Variants in SLC9A8 observed in about 807,000 individuals in gnomAD.
SLC9A8 encodes the protein sodium/hydrogen exchanger 8.
A neutral mutation model predicts 66.6 loss-of-function variants in SLC9A8; 48 were observed. That is an observed-to-expected ratio of 0.72 (90% CI 0.57 to 0.92). SLC9A8 has a LOEUF of 0.92. SLC9A8 is among the 40% of genes least tolerant of loss of function. The probability of loss-of-function intolerance (pLI) is 0.00; values close to 1 mark genes in which losing one functional copy is unlikely to be tolerated. For synonymous variants in SLC9A8, 274 were observed against 282.6 expected (o/e 0.97, Z 0.31); for missense variants, 599 against 747.3 (o/e 0.80, Z 2.31).
chr20:49,855,065 G>A (rs970441974), intron 7 of SLC9A8, among the ~76,000 whole-genome samples: 2 of 152,202 alleles, frequency 1.3e-5, no homozygotes, highest in South Asian at 2.1e-4. Context: ...GGCTGGTGGC[G>A]AGGGGCAGAG....
At chr20:49,862,872 C>T in intron 8 of SLC9A8, 57 bp from the exon 9 acceptor site, 2 of 1,366,554 alleles carry the variant, frequency 1.5e-6, no homozygotes. Flanking sequence ...AAGTTAATTT[C>T]TAAGAACTTT....
intron 10 of SLC9A8, among the ~76,000 whole-genome samples, chr20:49,873,793 AAAG>A (rs1291652223): frequency 1.3e-5 from 2 of 151,264 alleles, no homozygotes; most frequent in African/African-American, 2.4e-5. Flanking sequence ...AAAAAAAAAA[AAAG>A]AATCCACACA....
At chr20:49,832,438 G>A (rs899138099) in intron 3 of SLC9A8, among the ~76,000 whole-genome samples, 6 of 152,164 alleles carry the variant, frequency 3.9e-5, no homozygotes, top group Non-Finnish European at 8.8e-5. Context: ...ACCAGAGGGC[G>A]CTTGGGATGT....
rs755976607 is a variant in SLC9A8 at position 49,850,835 on chromosome 20, TGACA to T, written c.566_569del (p.Asp189ValfsTer7). 1.2e-6 allele frequency: 2 copies of T among 1,610,436 alleles called. No individual in the cohort carries two copies. The highest frequency in any genetic ancestry group is 2.2e-5 in the South Asian group (2 of 89,760). ...GCTGATGTAATCTCTAAACTCAACATGACAGACAGGTAAATCCTTCATACTGTAA... is the reference window on the plus strand; with the variant it reads ...GCTGATGTAATCTCTAAACTCAACATGACAGGTAAATCCTTCATACTGTAA... On this transcript the variant is annotated frameshift_variant, in exon 7 of 16. Transcript: ENST00000361573. LOFTEE classifies it high-confidence loss of function.
At chr20:49,867,330 C>T (rs2089015897) in intron 10 of SLC9A8, among the ~76,000 whole-genome samples, 1 of 152,066 alleles carries the variant, frequency 6.6e-6, no homozygotes, top group South Asian at 2.1e-4. Context: ...TCAGTTTAAT[C>T]CTTCTTGAGG....
chr20:49,812,958 C>T lies in SLC9A8; in HGVS notation c.26+10C>T. On this transcript the variant is annotated intron_variant, in intron 1 of 15. Transcript: ENST00000361573. ...AGATGGCGGAAGAGGAGTGAGTGGG[C>T]TTTTTCCCGGGCGGCGGAGGCGGCG... The T allele has an allele frequency of 1.4e-6, 2 of 1,418,438 alleles. No individual in the cohort carries two copies. Among genetic ancestry groups the T allele is most frequent in the Non-Finnish European group, 1.8e-6 (2 of 1,086,442 alleles). 87.9% of individuals were successfully genotyped at this position (1,418,438 alleles called of 1,614,324 possible). A position where few individuals can be genotyped will look rare whatever the true frequency, so the allele number is the denominator to read the frequency against.
chr20:49,875,007 C>T (rs1029365323), intron 11 of SLC9A8, among the ~76,000 whole-genome samples, 186 bp downstream of exon 11: 1 of 152,172 alleles, frequency 6.6e-6, no homozygotes, highest in Non-Finnish European at 1.5e-5. Flanking sequence ...GTAAACCAAA[C>T]ACCTAATAAA....
At chr20:49,883,080 C>G (rs542122097) in intron 13 of SLC9A8, among the ~76,000 whole-genome samples, 1 of 149,532 alleles carries the variant, frequency 6.7e-6, no homozygotes, top group Non-Finnish European at 1.5e-5. Flanking sequence ...TGCCTCCTCC[C>G]AGCTGCTCTA....
At chr20:49,814,570 G>T (rs2086476814) in intron 1 of SLC9A8, among the ~76,000 whole-genome samples, 1 of 152,164 alleles carries the variant, frequency 6.6e-6, no homozygotes, top group Non-Finnish European at 1.5e-5. Context: ...GGTAGGGCAT[G>T]CCCAGATCAA....
intron 5 of SLC9A8, 40 bp from the exon 6 acceptor site, chr20:49,849,539 C>G: frequency 6.6e-7 from 1 of 1,519,298 alleles, no homozygotes. Context: ...ACAGGAATGG[C>G]TTTTCTAATC....
chr20:49,827,122 AG>A (rs2146487203), intron 3 of SLC9A8, among the ~76,000 whole-genome samples: 1 of 151,410 alleles, frequency 6.6e-6, no homozygotes, highest in Admixed American at 6.6e-5. Flanking sequence ...TTGTATTTTT[AG>A]TGGAGACAGG....
In SLC9A8 at chr20:49,884,079, C is replaced by T. The variant is rs750930096; in HGVS notation, c.1491+13C>T. ...GACTGAGAAGATGGTTAGTACCATG[C>T]GCCTGTGGGGGTGGGGCAGGGGGCT... is the stretch of plus-strand genomic sequence containing the variant. On this transcript the variant is annotated intron_variant, in intron 14 of 15. Coordinates refer to ENST00000361573, the MANE Select transcript of SLC9A8 (RefSeq NM_015266.3). 1.7e-5 allele frequency: 27 copies of T among 1,610,166 alleles called. No individual in the cohort carries two copies. The highest frequency in any genetic ancestry group is 9.4e-5 in the African/African-American group (7 of 74,742).
chr20:49,847,917 T>TTG lies in SLC9A8; in HGVS notation c.433-1661_433-1660insGT, dbSNP rs1056328381. Among the ~76,000 whole-genome samples, 3 of 148,706 alleles carry TTG rather than the reference T, an allele frequency of 2.0e-5. 1 individual carries two copies. The highest frequency in any genetic ancestry group is 4.5e-5 in the Non-Finnish European group (3 of 67,168). ...AAAACTGATTAATCTGTTTTTTTTT[T>TTG]TTTTTTTTTGAGATGGAGTTTTGCT... On this transcript the variant is annotated intron_variant, in intron 5 of 15. Transcript: ENST00000361573.
intron 7 of SLC9A8, 71 bp from the exon 8 acceptor site, chr20:49,855,367 A>G (rs1156894704): frequency 7.5e-6 from 11 of 1,469,354 alleles, no homozygotes; most frequent in African/African-American, 1.4e-5. Context: ...ATGGCCTTTG[A>G]CTTTAATGCT....
At position 49,876,884 on chromosome 20, in the gene SLC9A8, G is replaced by A. The variant is rs1010591008; in HGVS notation, c.1076-1097G>A. Among the ~76,000 whole-genome samples, 4 of 151,902 alleles carry A rather than the reference G, an allele frequency of 2.6e-5. No individual in the cohort carries two copies. The East Asian group carries it at 7.7e-4, about 29-fold the overall frequency. ...AAGAAAAAAATTTCAGAGAGAGAAGGGGGGGTAAATTCTCCAGCTTGTGGA... is the reference window on the plus strand; with the variant it reads ...AAGAAAAAAATTTCAGAGAGAGAAGAGGGGGTAAATTCTCCAGCTTGTGGA... On this transcript the variant is annotated intron_variant, in intron 11 of 15. Coordinates refer to ENST00000361573, the MANE Select transcript of SLC9A8 (RefSeq NM_015266.3).
rs535053825 is a variant in SLC9A8 at position 49,837,274 on chromosome 20, A to G, written c.290-2267A>G. Among the ~76,000 whole-genome samples, 62 of 151,520 alleles carry G rather than the reference A, an allele frequency of 4.1e-4. 1 individual carries two copies. The South Asian group carries it at 0.013, about 31-fold the overall frequency. On this transcript the variant is annotated intron_variant, in intron 3 of 15. Transcript: ENST00000361573. Reference sequence around the variant, plus strand: ...ATGTCTCCCTAAAATGTATAAAACGAAGCTGTGCCCCGACCACCTTGGGCA... The same window carrying G: ...ATGTCTCCCTAAAATGTATAAAACGGAGCTGTGCCCCGACCACCTTGGGCA...
intron 7 of SLC9A8, among the ~76,000 whole-genome samples, chr20:49,854,062 T>A (rs531328975): frequency 6.6e-6 from 1 of 152,294 alleles, no homozygotes; most frequent in South Asian, 2.1e-4. Context: ...CTCAGGGCAG[T>A]CGTCTCTGGC....
chr20:49,817,581 C>T (rs2086599864), intron 2 of SLC9A8, among the ~76,000 whole-genome samples: 1 of 151,096 alleles, frequency 6.6e-6, no homozygotes, highest in African/African-American at 2.4e-5. Context: ...ACACTTGAGG[C>T]CAGCGATTTG....
rs770166891 is a variant in SLC9A8 at position 49,874,685 on chromosome 20, T to C, written c.959-20T>C. ...GGGATCACACGGCAGTGCTTTCTGT[T>C]CTGTTCTCTCCCTCTCTAGGCATCA... On this transcript the variant is annotated intron_variant, in intron 10 of 15. Coordinates refer to ENST00000361573, the MANE Select transcript of SLC9A8 (RefSeq NM_015266.3). 14 of 1,456,218 alleles carry C rather than the reference T, an allele frequency of 9.6e-6. No individual in the cohort carries two copies. The South Asian group carries it at 1.6e-4, about 17-fold the overall frequency. 90.2% of individuals were successfully genotyped at this position (1,456,218 alleles called of 1,614,324 possible). A position where few individuals can be genotyped will look rare whatever the true frequency, so the allele number is the denominator to read the frequency against.
Sources: allele counts gnomAD v4.1 joint callset (sites outside exome capture counted in the v4.1 genomes callset), GRCh38; gene constraint gnomAD v4.1.1; transcripts MANE v1.5; gene names NCBI Gene and HGNC (gene_info 2026-07-23, HGNC 2026-07-21).